Variants in SMARCB1 observed in about 807,000 individuals in gnomAD.
SMARCB1 encodes the protein SWI/SNF related BAF chromatin remodeling complex subunit B1, also known as SWI/SNF-related matrix-associated actin-dependent regulator of chromatin subfamily B member 1.
SMARCB1 carries 5 observed loss-of-function variants against 49.0 expected under a neutral mutation model. That is an observed-to-expected ratio of 0.10 (90% CI 0.05 to 0.21). The LOEUF is 0.21. Ranked by LOEUF, SMARCB1 falls within the 10% of genes least tolerant of loss-of-function variation. The pLI is 1.00. For synonymous variants in SMARCB1, 201 were observed against 200.1 expected (o/e 1.00, Z -0.04); for missense variants, 226 against 509.2 (o/e 0.44, Z 5.35).
chr22:23,813,170 T>C (rs1163953354), intron 5 of SMARCB1, among the ~76,000 whole-genome samples: 1 of 152,214 alleles, frequency 6.6e-6, no homozygotes, highest in East Asian at 1.9e-4. Context: ...TGGCCTTCTG[T>C]TGCTAGCATT....
At chr22:23,807,994 C>G (rs1366102492) in intron 5 of SMARCB1, among the ~76,000 whole-genome samples, 5 of 141,950 alleles carry the variant, frequency 3.5e-5, no homozygotes, top group Admixed American at 1.4e-4. Flanking sequence ...CGGAGTCTGT[C>G]GCTCAGGCTG....
chr22:23,832,471 T>A (rs542011633), intron 7 of SMARCB1, among the ~76,000 whole-genome samples: 1 of 152,074 alleles, frequency 6.6e-6, no homozygotes, highest in Admixed American at 6.6e-5. Context: ...CAGGGTGTCC[T>A]TCTCCCAGGG....
At chr22:23,800,106 G>T (rs2145976707) in intron 3 of SMARCB1, among the ~76,000 whole-genome samples, 1 of 152,346 alleles carries the variant, frequency 6.6e-6, no homozygotes, top group African/African-American at 2.4e-5. Context: ...TGGGATTACA[G>T]GCGTGAGCCA....
chr22:23,837,006 C>A lies in SMARCB1; in HGVS notation c.*2826C>A. 1 of 1,611,888 alleles carries A rather than the reference C, an allele frequency of 6.2e-7. No individual in the cohort carries two copies. Among genetic ancestry groups the A allele is most frequent in the South Asian group, 1.1e-5 (1 of 90,872 alleles). On this transcript the variant is annotated 3_prime_UTR_variant, in exon 9 of 9. Transcript: ENST00000644036. ...GTTGAGCACAGGCCAGCACAGGTCC[C>A]CATCGGTGGGGATCCTTCTGAGGGT... is the stretch of plus-strand genomic sequence containing the variant.
intron 5 of SMARCB1, among the ~76,000 whole-genome samples, chr22:23,806,817 G>T (rs1929523977): frequency 6.6e-6 from 1 of 151,852 alleles, no homozygotes; most frequent in South Asian, 2.1e-4. Flanking sequence ...CAACCTGGGA[G>T]GCCGAGGCAC....
At chr22:23,806,261 A>G (rs1929488948) in intron 5 of SMARCB1, among the ~76,000 whole-genome samples, 1 of 152,230 alleles carries the variant, frequency 6.6e-6, no homozygotes, top group South Asian at 2.1e-4. Context: ...AAGAGGGCAC[A>G]GTATAGTAAG....
intron 7 of SMARCB1, chr22:23,825,720 G>A (rs934095051): frequency 1.6e-5 from 7 of 443,210 alleles, no homozygotes; most frequent in Middle Eastern, 1.2e-3. Flanking sequence ...CCATTCAGTT[G>A]TCCTGCCCCA....
chr22:23,830,649 C>CTTTTTTTTTTTTTTTTTTTTTT (rs56800497), intron 7 of SMARCB1, among the ~76,000 whole-genome samples: 7 of 95,424 alleles, frequency 7.3e-5, no homozygotes, highest in African/African-American at 1.6e-4. Context: ...TCCAATTTAT[C>CTTTTTTTTTTTTTTTTTTTTTT]TTTTTTTTTT....
chr22:23,834,198 G>A lies in SMARCB1; in HGVS notation c.*18G>A, dbSNP rs377133288. 8.9e-6 allele frequency: 14 copies of A among 1,579,236 alleles called. No homozygotes were observed. The highest frequency in any genetic ancestry group is 4.6e-5 in the South Asian group (4 of 86,306). ...CCTGGTAACCAGCCCATCAGCACAC[G>A]GCTCCCACGGAGCATCTCAGAAGAT... On this transcript the variant is annotated 3_prime_UTR_variant, in exon 9 of 9. Transcript: ENST00000644036.
chr22:23,792,083 C>T, intron 2 of SMARCB1, 189 bp downstream of exon 2: 4 of 641,280 alleles, frequency 6.2e-6, no homozygotes, highest in Non-Finnish European at 2.8e-6. Context: ...TGGTGGTCCA[C>T]TGTCAGTTAT....
intron 7 of SMARCB1, among the ~76,000 whole-genome samples, chr22:23,827,490 G>A (rs912303437): frequency 5.9e-5 from 9 of 152,142 alleles, no homozygotes; most frequent in South Asian, 2.1e-4. Flanking sequence ...AGGCAGAGGC[G>A]GGCCCCTTCT....
chr22:23,829,698 A>G (rs2096733368), intron 7 of SMARCB1, among the ~76,000 whole-genome samples: 1 of 152,244 alleles, frequency 6.6e-6, no homozygotes, highest in South Asian at 2.1e-4. Context: ...CATAAACCAT[A>G]CAATTCACAC....
In SMARCB1 at chr22:23,834,558, A is replaced by G; in HGVS notation, c.*378A>G. The stretch of plus-strand genomic sequence containing the variant: ...TCTTCAAAGTTTTAACATAAAAATA[A>G]TGAGAGCCAGGAGTGGGGCCGGGGC... On this transcript the variant is annotated 3_prime_UTR_variant, in exon 9 of 9. Coordinates refer to ENST00000644036, the MANE Select transcript of SMARCB1 (RefSeq NM_003073.5). 3.0e-6 allele frequency: 2 copies of G among 674,278 alleles called. No individual in the cohort carries two copies. The highest frequency in any genetic ancestry group is 5.2e-6 in the Non-Finnish European group (2 of 382,630). The allele number at this position is 674,278 out of a possible 1,614,324, so 41.8% of individuals were successfully genotyped here.
chr22:23,813,863 T>C (rs1398279440), intron 5 of SMARCB1, among the ~76,000 whole-genome samples: 1 of 152,178 alleles, frequency 6.6e-6, no homozygotes, highest in Admixed American at 6.6e-5. Context: ...GGAGTTTTGC[T>C]CTTTTGCCCA....
chr22:23,827,113 G>A (rs752271118), intron 7 of SMARCB1, among the ~76,000 whole-genome samples: 5 of 152,180 alleles, frequency 3.3e-5, no homozygotes, highest in African/African-American at 4.8e-5. Flanking sequence ...GTCATGTTGC[G>A]CGCATCAACA....
Position 23,816,925 on chromosome 22 carries a change from G to A in SMARCB1, c.784G>A (p.Val262Ile), listed in dbSNP as rs1341827515. The change falls in exon 6 of 9, where the codon GTC (valine) becomes ATC (isoleucine). Residue 262 changes from valine to isoleucine, a missense_variant. Coordinates refer to ENST00000644036, the MANE Select transcript of SMARCB1 (RefSeq NM_003073.5). ...CCTGGAGGACCAGTCAGACCAGCGC[G>A]TCATCATCAAGGTAGGTGACTTCTC... ...SILEDQSDQRVIIKLNIHVGN... is the reference protein window; with the variant it reads ...SILEDQSDQRIIIKLNIHVGN... The A allele has an allele frequency of 1.9e-6, 3 of 1,613,756 alleles. No homozygotes were observed. The highest frequency in any genetic ancestry group is 1.1e-5 in the South Asian group (1 of 91,076).
At chr22:23,794,182 T>C (rs1928599243) in intron 3 of SMARCB1, among the ~76,000 whole-genome samples, 1 of 152,244 alleles carries the variant, frequency 6.6e-6, no homozygotes, top group South Asian at 2.1e-4. Context: ...CCTCAGGTGA[T>C]CCGCCCGCCT....
chr22:23,827,805 G>A (rs762903911), intron 7 of SMARCB1, among the ~76,000 whole-genome samples: 1 of 152,148 alleles, frequency 6.6e-6, no homozygotes, highest in Non-Finnish European at 1.5e-5. Flanking sequence ...TTAGGGTTGG[G>A]CTGTCATCCC....
chr22:23,818,320 T>C (rs1197876912), intron 6 of SMARCB1: 6 of 151,806 alleles, frequency 4.0e-5, no homozygotes, highest in Non-Finnish European at 8.8e-5. Context: ...GCCTGGCTAA[T>C]TTTTTGTATT....
Sources: allele counts gnomAD v4.1 joint callset (sites outside exome capture counted in the v4.1 genomes callset), GRCh38; gene constraint gnomAD v4.1.1; transcripts MANE v1.5; gene names NCBI Gene and HGNC (gene_info 2026-07-23, HGNC 2026-07-21).